The following CENPW variants were observed in gnomAD, a reference collection of about 807,000 sequenced individuals.
The protein encoded by CENPW is cancer-up-regulated gene 2 protein.
In CENPW, 3 loss-of-function variants were observed where a neutral mutation model predicts 11.1. That is an observed-to-expected ratio of 0.27 (90% CI 0.12 to 0.70). The LOEUF (loss-of-function observed/expected upper bound fraction) is 0.70. Among genes scored for constraint, CENPW ranks in the 30% least tolerant of loss-of-function variants. The probability of loss-of-function intolerance (pLI) is 0.77; values close to 1 mark genes in which losing one functional copy is unlikely to be tolerated. For missense variants in CENPW, 100 were observed against 105.6 expected, an observed-to-expected ratio of 0.95 and a Z score of 0.23; for synonymous variants, 38 against 42.0, an observed-to-expected ratio of 0.91 and a Z score of 0.37.
chr6:126,394,206 T>C, the CENPW span, among the ~76,000 whole-genome samples: 2 of 111,244 alleles, frequency 1.8e-5, no homozygotes, highest in East Asian at 7.4e-3. Flanking sequence ...CTTCTTTTCC[T>C]TCTTTTATTT....
the CENPW span, among the ~76,000 whole-genome samples, chr6:126,466,847 G>A: frequency 6.6e-6 from 1 of 151,928 alleles, no homozygotes; most frequent in East Asian, 1.9e-4. Context: ...ACCAACAAGA[G>A]CCAAACCAAG....
At chr6:126,477,013 CA>C in the CENPW span, among the ~76,000 whole-genome samples, 2 of 152,008 alleles carry the variant, frequency 1.3e-5, no homozygotes, top group South Asian at 2.1e-4. Flanking sequence ...CATTAAAAAA[CA>C]AATCTAAGTT....
At chr6:126,437,410 C>T in the CENPW span, among the ~76,000 whole-genome samples, 1 of 151,896 alleles carries the variant, frequency 6.6e-6, no homozygotes, top group Non-Finnish European at 1.5e-5. Flanking sequence ...CTGCTGAAGG[C>T]CAAGGCCATG....
chr6:126,354,806 T>A, the CENPW span, among the ~76,000 whole-genome samples: 5 of 152,138 alleles, frequency 3.3e-5, no homozygotes, highest in African/African-American at 1.2e-4. Context: ...CTAGCTTTTT[T>A]AGTTTTCACT....
rs1430434637 is a variant in CENPW, at chr6:126,348,528, T to G, written c.*36T>G. On this transcript the variant is annotated 3_prime_UTR_variant, in exon 3 of 3. Transcript: ENST00000368328. ...ACATATTCTTGAAAGTTATGATGCA[T>G]TCTTTTGGGTGGTAACAGATCATAA... 3.8e-6 allele frequency: 5 copies of G among 1,304,276 alleles called. No individual in the cohort carries two copies. Among genetic ancestry groups the G allele is most frequent in the Non-Finnish European group, 5.5e-6 (5 of 903,404 alleles). The allele number at this position is 1,304,276 out of a possible 1,614,324, so 80.8% of individuals were successfully genotyped here. A position where few individuals can be genotyped will look rare whatever the true frequency, so the allele number is the denominator to read the frequency against.
chr6:126,382,406 T>C, the CENPW span, among the ~76,000 whole-genome samples: 1 of 152,172 alleles, frequency 6.6e-6, no homozygotes, highest in South Asian at 2.1e-4. Flanking sequence ...CTCCAAACAA[T>C]TGCACTAGCT....
chr6:126,412,013 C>CCCCCCCCCTCCCTCCTTCCTTCCTTCCT, the CENPW span, among the ~76,000 whole-genome samples: 1 of 121,490 alleles, frequency 8.2e-6, no homozygotes, highest in Non-Finnish European at 1.8e-5. Flanking sequence ...CTCTCTCCCT[C>CCCCCCCCCTCCCTCCTTCCTTCCTTCCT]CCACTCCCTC....
At chr6:126,415,564 T>G in the CENPW span, among the ~76,000 whole-genome samples, 1 of 152,054 alleles carries the variant, frequency 6.6e-6, no homozygotes, top group African/African-American at 2.4e-5. Flanking sequence ...AGTGATATGG[T>G]TTGGCTGTGT....
At chr6:126,461,946 T>A in the CENPW span, among the ~76,000 whole-genome samples, 1 of 151,978 alleles carries the variant, frequency 6.6e-6, no homozygotes, top group Non-Finnish European at 1.5e-5. Flanking sequence ...GTAGGCTCAT[T>A]TCTAACAACA....
At chr6:126,372,383 G>A in the CENPW span, among the ~76,000 whole-genome samples, 1 of 151,972 alleles carries the variant, frequency 6.6e-6, no homozygotes, top group South Asian at 2.1e-4. Flanking sequence ...ATAGTTTCAG[G>A]TTCTAACATT....
chr6:126,417,183 T>C, the CENPW span, among the ~76,000 whole-genome samples: 1 of 152,248 alleles, frequency 6.6e-6, no homozygotes, highest in African/African-American at 2.4e-5. Context: ...ACTGCTCTGC[T>C]GGATTTCAGA....
chr6:126,351,037 C>CT (rs570632140), downstream of CENPW, among the ~76,000 whole-genome samples: 299 of 139,020 alleles, frequency 2.2e-3, no homozygotes, highest in South Asian at 7.5e-3. Flanking sequence ...GAGGTAATGT[C>CT]TTTTTTTTTT....
the CENPW span, among the ~76,000 whole-genome samples, chr6:126,471,320 A>C: frequency 6.6e-6 from 1 of 152,102 alleles, no homozygotes; most frequent in East Asian, 1.9e-4. Flanking sequence ...TCCTGCCATC[A>C]TGTGAAGAAG....
the CENPW span, among the ~76,000 whole-genome samples, chr6:126,455,083 C>T: frequency 2.0e-3 from 305 of 151,184 alleles, 1 homozygote; most frequent in Non-Finnish European, 3.2e-3. Flanking sequence ...GTTAGAAAGT[C>T]TACCAACCAG....
chr6:126,377,922 A>G, the CENPW span, among the ~76,000 whole-genome samples: 2 of 152,188 alleles, frequency 1.3e-5, no homozygotes, highest in Non-Finnish European at 2.9e-5. Context: ...ACATAACCCC[A>G]TAATACTCAG....
chr6:126,460,781 G>A, the CENPW span, among the ~76,000 whole-genome samples: 4 of 151,760 alleles, frequency 2.6e-5, no homozygotes. Flanking sequence ...TGGTATCAAG[G>A]GTGGGAAATG....
At chr6:126,424,734 T>C in the CENPW span, among the ~76,000 whole-genome samples, 1 of 152,226 alleles carries the variant, frequency 6.6e-6, no homozygotes, top group Non-Finnish European at 1.5e-5. Flanking sequence ...TTTGACTGGA[T>C]GGTGGCTGTG....
At chr6:126,373,896 G>A in the CENPW span, among the ~76,000 whole-genome samples, 2 of 152,206 alleles carry the variant, frequency 1.3e-5, no homozygotes, top group Non-Finnish European at 2.9e-5. Flanking sequence ...AGCAGACAGG[G>A]AAGGGAGACA....
At chr6:126,477,233 T>C in the CENPW span, among the ~76,000 whole-genome samples, 1 of 151,978 alleles carries the variant, frequency 6.6e-6, no homozygotes, top group Non-Finnish European at 1.5e-5. Context: ...AATGTCAATA[T>C]ATAGTTTGCT....
Sources: allele counts gnomAD v4.1 joint callset (sites outside exome capture counted in the v4.1 genomes callset), GRCh38; gene constraint gnomAD v4.1.1; transcripts MANE v1.5; gene names NCBI Gene and HGNC (gene_info 2026-07-23, HGNC 2026-07-21).